The following SCHIP1 variants were observed in gnomAD, a reference collection of about 807,000 sequenced individuals.
SCHIP1 encodes the protein schwannomin interacting protein 1.
In SCHIP1, 8 loss-of-function variants were observed where a neutral mutation model predicts 29.7. The ratio of observed to expected loss-of-function variants is 0.27; its 90% confidence interval spans 0.16 to 0.49. SCHIP1 has a LOEUF of 0.49. Ranked by LOEUF, SCHIP1 falls within the 20% of genes least tolerant of loss-of-function variation. SCHIP1 has a pLI of 0.99. For missense variants in SCHIP1, 193 were observed against 294.6 expected, an observed-to-expected ratio of 0.66 and a Z score of 2.52; for synonymous variants, 76 against 94.9, an observed-to-expected ratio of 0.80 and a Z score of 1.16.
chr3:159,456,161 C>T, the SCHIP1 span, among the ~76,000 whole-genome samples: 51 of 152,266 alleles, frequency 3.3e-4, no homozygotes, highest in South Asian at 6.2e-4. Context: ...ATCCTCCCTT[C>T]GCTGGAGCTT....
chr3:159,616,100 T>G, the SCHIP1 span, among the ~76,000 whole-genome samples: 1 of 133,152 alleles, frequency 7.5e-6, no homozygotes, highest in African/African-American at 4.3e-5. Flanking sequence ...GAGAGCCAAG[T>G]GCACATTCTG....
At chr3:159,621,344 C>T in the SCHIP1 span, among the ~76,000 whole-genome samples, 4 of 152,272 alleles carry the variant, frequency 2.6e-5, no homozygotes, top group African/African-American at 4.8e-5. Context: ...CATTAAAGAC[C>T]GCTTCTTTTT....
the SCHIP1 span, among the ~76,000 whole-genome samples, chr3:159,455,575 G>GC: frequency 6.6e-6 from 1 of 152,202 alleles, no homozygotes; most frequent in Non-Finnish European, 1.5e-5. Context: ...CTGTGGGAAT[G>GC]CCCCATGATT....
At chr3:159,301,536 T>A in the SCHIP1 span, among the ~76,000 whole-genome samples, 4 of 152,126 alleles carry the variant, frequency 2.6e-5, no homozygotes, top group Non-Finnish European at 5.9e-5. Flanking sequence ...CCCACCCAAA[T>A]CTCATCTTGA....
At chr3:159,505,801 T>A in the SCHIP1 span, among the ~76,000 whole-genome samples, 3 of 152,240 alleles carry the variant, frequency 2.0e-5, no homozygotes, top group African/African-American at 7.2e-5. Context: ...GGAAATGAAA[T>A]CACCATTTTT....
chr3:159,830,554 G>A, the SCHIP1 span, among the ~76,000 whole-genome samples: 2 of 152,132 alleles, frequency 1.3e-5, no homozygotes, highest in Middle Eastern at 3.4e-3. Flanking sequence ...AAGACTCTCA[G>A]GTAAATTTCT....
the SCHIP1 span, among the ~76,000 whole-genome samples, chr3:159,421,021 T>G: frequency 6.6e-6 from 1 of 152,206 alleles, no homozygotes; most frequent in African/African-American, 2.4e-5. Context: ...CTCATTAAAG[T>G]CTTCAAATGT....
chr3:159,684,829 A>G, the SCHIP1 span, among the ~76,000 whole-genome samples: 1 of 150,376 alleles, frequency 6.6e-6, no homozygotes, highest in Non-Finnish European at 1.5e-5. Context: ...AAAGAAAGAA[A>G]GAAAAAAGAA....
the SCHIP1 span, among the ~76,000 whole-genome samples, chr3:159,752,115 C>T: frequency 3.3e-5 from 5 of 149,800 alleles, no homozygotes; most frequent in African/African-American, 1.2e-4. Context: ...TTCCCCTTCA[C>T]CTTCTGTCAT....
At chr3:159,886,414 C>A in intron 3 of SCHIP1, 90 bp downstream of exon 4, 2 of 1,200,322 alleles carry the variant, frequency 1.7e-6, no homozygotes, top group Non-Finnish European at 1.2e-6. Flanking sequence ...CAGGAACAAA[C>A]ATTTCAGAGA....
chr3:159,356,947 C>A, the SCHIP1 span, among the ~76,000 whole-genome samples: 1 of 152,186 alleles, frequency 6.6e-6, no homozygotes, highest in Admixed American at 6.5e-5. Flanking sequence ...CAAATGAATT[C>A]AATTCTTTTA....
At chr3:159,353,348 C>A in the SCHIP1 span, among the ~76,000 whole-genome samples, 1 of 151,758 alleles carries the variant, frequency 6.6e-6, no homozygotes, top group African/African-American at 2.4e-5. Context: ...TTACAAACAC[C>A]CTGGCTGACT....
the SCHIP1 span, among the ~76,000 whole-genome samples, chr3:159,434,490 G>A: frequency 1.3e-5 from 2 of 152,242 alleles, no homozygotes; most frequent in Admixed American, 1.3e-4. Context: ...TGTTGTCAGG[G>A]TGATAGGTTA....
chr3:159,379,705 A>C, the SCHIP1 span, among the ~76,000 whole-genome samples: 111 of 151,566 alleles, frequency 7.3e-4, no homozygotes, highest in African/African-American at 2.5e-3. Context: ...ACTCAGAGTT[A>C]TGGACACCAT....
At chr3:159,681,853 T>G in the SCHIP1 span, among the ~76,000 whole-genome samples, 17 of 151,542 alleles carry the variant, frequency 1.1e-4, no homozygotes, top group African/African-American at 4.1e-4. Flanking sequence ...CAACGTTAAC[T>G]TAGGTTAACT....
At chr3:159,664,696 C>T in the SCHIP1 span, among the ~76,000 whole-genome samples, 5 of 152,116 alleles carry the variant, frequency 3.3e-5, no homozygotes, top group Non-Finnish European at 7.4e-5. Flanking sequence ...GTAGAGAGAG[C>T]ACCATGTATT....
chr3:159,344,338 A>T, the SCHIP1 span, among the ~76,000 whole-genome samples: 3 of 151,112 alleles, frequency 2.0e-5, no homozygotes, highest in Admixed American at 1.3e-4. Flanking sequence ...AAAAAAAAAA[A>T]TTAAGTTGTA....
At chr3:159,400,071 C>T in the SCHIP1 span, among the ~76,000 whole-genome samples, 1 of 152,170 alleles carries the variant, frequency 6.6e-6, no homozygotes, top group African/African-American at 2.4e-5. Flanking sequence ...GTCTGTGGAC[C>T]ACAGGTTGAT....
the SCHIP1 span, among the ~76,000 whole-genome samples, chr3:159,370,313 A>G: frequency 6.6e-6 from 1 of 152,096 alleles, no homozygotes; most frequent in Non-Finnish European, 1.5e-5. Context: ...TTTCTCCCCT[A>G]GGTATTCATG....
Sources: allele counts gnomAD v4.1 joint callset (sites outside exome capture counted in the v4.1 genomes callset), GRCh38; gene constraint gnomAD v4.1.1; transcripts MANE v1.5; gene names NCBI Gene and HGNC (gene_info 2026-07-23, HGNC 2026-07-21).